The following ATG13 variants were observed in gnomAD, a reference collection of about 807,000 sequenced individuals.
The protein encoded by ATG13 is autophagy related 13, also known as autophagy-related protein 13.
Under a neutral mutation model 65.5 loss-of-function variants are expected in ATG13, and 23 were observed. That is an observed-to-expected ratio of 0.35 (90% CI 0.25 to 0.50). The LOEUF is 0.50. Ranked by LOEUF, ATG13 falls within the 20% of genes least tolerant of loss-of-function variation. ATG13 has a pLI of 0.98. For synonymous variants in ATG13, 252 were observed against 245.2 expected (o/e 1.03, Z -0.26); for missense variants, 566 against 677.0 (o/e 0.84, Z 1.82).
intron 2 of ATG13, chr11:46,632,384 T>G (rs1205881186): frequency 6.6e-6 from 1 of 152,206 alleles, no homozygotes; most frequent in African/African-American, 2.4e-5. Context: ...TTCAGCATAT[T>G]AGCAGGAAAG....
intron 18 of ATG13, 107 bp downstream of exon 18, chr11:46,669,639 A>ATAGAAG: frequency 7.6e-7 from 1 of 1,313,792 alleles, no homozygotes; most frequent in Non-Finnish European, 1.0e-6. Flanking sequence ...AATAGGAAAG[A>ATAGAAG]GACATAATTA....
chr11:46,620,866 G>T (rs1462807208), intron 1 of ATG13, among the ~76,000 whole-genome samples: 1 of 152,134 alleles, frequency 6.6e-6, no homozygotes, highest in Non-Finnish European at 1.5e-5. Context: ...ATTCATAGAA[G>T]TCATAACTTA....
At chr11:46,662,616 C>T (rs1269523618) in intron 11 of ATG13, among the ~76,000 whole-genome samples, 1 of 152,188 alleles carries the variant, frequency 6.6e-6, no homozygotes, top group African/African-American at 2.4e-5. Context: ...TCCCTGGGGA[C>T]CTCTGATCAA....
intron 1 of ATG13, among the ~76,000 whole-genome samples, chr11:46,622,338 C>A (rs2048012884): frequency 6.6e-6 from 1 of 151,542 alleles, no homozygotes; most frequent in South Asian, 2.1e-4. Flanking sequence ...AAGATGGTCT[C>A]GATCTCCTGA....
At chr11:46,642,141 T>TTCTTTTCCTTAAAA (rs1399260821) in intron 2 of ATG13, among the ~76,000 whole-genome samples, 13 of 152,104 alleles carry the variant, frequency 8.5e-5, no homozygotes, top group African/African-American at 2.9e-4. Context: ...CTTTTGTTTA[T>TTCTTTTCCTTAAAA]TCTTTTCCTT....
At chr11:46,639,589 A>C (rs538085099) in intron 2 of ATG13, among the ~76,000 whole-genome samples, 16 of 152,238 alleles carry the variant, frequency 1.1e-4, no homozygotes, top group Non-Finnish European at 1.8e-4. Flanking sequence ...AGCAGAGAAA[A>C]GAGGTTTAAT....
chr11:46,660,320 C>T (rs1418340678), intron 11 of ATG13, among the ~76,000 whole-genome samples: 1 of 150,096 alleles, frequency 6.7e-6, no homozygotes, highest in Non-Finnish European at 1.5e-5. Context: ...CCTGTTTCAA[C>T]TTCTTATTTG....
At chr11:46,628,369 T>C (rs113364955) in intron 1 of ATG13, among the ~76,000 whole-genome samples, 1,833 of 152,014 alleles carry the variant, frequency 0.012, 43 homozygotes, top group African/African-American at 0.042. Flanking sequence ...TGCATACCAG[T>C]CTGGGTGACA....
At chr11:46,649,304 C>A in intron 6 of ATG13, 121 bp downstream of exon 6, 1 of 1,116,478 alleles carries the variant, frequency 9.0e-7, no homozygotes, top group Non-Finnish European at 1.3e-6. Flanking sequence ...TTAACAAAGC[C>A]AATAGGTCTT....
chr11:46,669,312 C>A (rs2063158288), intron 17 of ATG13, 92 bp from the exon 18 acceptor site: 5 of 1,481,638 alleles, frequency 3.4e-6, no homozygotes, highest in East Asian at 4.6e-5. Flanking sequence ...CTGAAAGAAC[C>A]TTTTGATAAT....
At chr11:46,650,418 T>A in intron 7 of ATG13, 101 bp downstream of exon 7, 1 of 1,441,616 alleles carries the variant, frequency 6.9e-7, no homozygotes, top group Admixed American at 2.0e-5. Flanking sequence ...GGACAGTTGG[T>A]TGGTTTGTTG....
Position 46,663,911 on chromosome 11 carries a change from CAG to C in ATG13, c.790-83_790-82del, listed in dbSNP as rs1222477127. 4.9e-6 allele frequency: 5 copies of C among 1,018,770 alleles called. No homozygotes were observed. The African/African-American group carries it at 8.2e-5, about 17-fold the overall frequency. The allele number at this position is 1,018,770 out of a possible 1,614,324, so 63.1% of individuals were successfully genotyped here. A position where few individuals can be genotyped will look rare whatever the true frequency, so the allele number is the denominator to read the frequency against. ...TGGCCTCTCTTGCTACTGCCCCTTC[CAG>C]AGTTTCTTCACTTCTTTCTCAAGTC... On this transcript the variant is annotated intron_variant, in intron 11 of 18. Transcript: ENST00000683050.
At chr11:46,668,966 G>A in intron 17 of ATG13, 56 bp downstream of exon 17, 1 of 1,337,844 alleles carries the variant, frequency 7.5e-7, no homozygotes, top group Admixed American at 1.7e-5. Flanking sequence ...AGACCTAGAA[G>A]CATCTACTGC....
At chr11:46,665,669 A>T in intron 14 of ATG13, 150 bp downstream of exon 14, 1 of 1,164,768 alleles carries the variant, frequency 8.6e-7, no homozygotes, top group Non-Finnish European at 1.2e-6. Flanking sequence ...CCTAGCTGGG[A>T]GTGGTGGCTC....
In ATG13 at chr11:46,664,114, G is replaced by C; in HGVS notation, c.888+19G>C. Reference sequence around the variant, plus strand: ...CCATCAAGTGAGTCCATAATGGGAAGAAGGGGATATAATCAGATGGCATCC... The same window carrying C: ...CCATCAAGTGAGTCCATAATGGGAACAAGGGGATATAATCAGATGGCATCC... On this transcript the variant is annotated intron_variant, in intron 12 of 18. Transcript: ENST00000683050. 6.6e-7 allele frequency: 1 copy of C among 1,511,450 alleles called. No individual in the cohort carries two copies. Among genetic ancestry groups the C allele is most frequent in the South Asian group, 1.2e-5 (1 of 85,794 alleles). 93.6% of individuals were successfully genotyped at this position (1,511,450 alleles called of 1,614,324 possible).
intron 7 of ATG13, 21 bp from the exon 8 acceptor site, chr11:46,656,212 C>A (rs2060020272): frequency 6.2e-7 from 1 of 1,608,216 alleles, no homozygotes; most frequent in Non-Finnish European, 8.5e-7. Flanking sequence ...GGTAACATTT[C>A]TTATTTTTTC....
chr11:46,624,087 C>T (rs2048642320), intron 1 of ATG13, among the ~76,000 whole-genome samples: 1 of 151,892 alleles, frequency 6.6e-6, no homozygotes, highest in Non-Finnish European at 1.5e-5. Flanking sequence ...TCCCTGCAAC[C>T]TCCACCTCCT....
At chr11:46,656,018 GC>G (rs1339927776) in intron 7 of ATG13, among the ~76,000 whole-genome samples, 20 of 152,292 alleles carry the variant, frequency 1.3e-4, no homozygotes, top group Admixed American at 1.2e-3. Context: ...ACTGTGCCTG[GC>G]CTTATTTTCC....
Position 46,669,489 on chromosome 11 carries a change from G to A in ATG13, c.1532G>A (p.Ser511Asn), listed in dbSNP as rs774790564. The change falls in exon 18 of 19, where the codon AGC becomes AAC. Residue 511 changes from serine (S) to asparagine (N), a missense_variant. Physicochemically the swap from Ser to Asn is conservative, Grantham distance 46. Around this residue, in one of 2 missense-constraint regions of ATG13, gnomAD observed 387 missense variants for 409.8 expected, o/e 0.94. Transcript: ENST00000683050. ...TTTCAGAACCCACCTCAGCTGAGCAGCCTCTCCATAGATATTGGAGCACAG... is the reference window on the plus strand; with the variant it reads ...TTTCAGAACCCACCTCAGCTGAGCAACCTCTCCATAGATATTGGAGCACAG... ...REFQNPPQLS[S>N]LSIDIGAQSM... 5 of 1,614,134 alleles carry A rather than the reference G, an allele frequency of 3.1e-6. No individual in the cohort carries two copies. The highest frequency in any genetic ancestry group is 4.5e-5 in the East Asian group (2 of 44,876).
Sources: allele counts gnomAD v4.1 joint callset (sites outside exome capture counted in the v4.1 genomes callset), GRCh38; gene constraint gnomAD v4.1.1; regional missense constraint gnomAD v4.1.1; transcripts MANE v1.5; gene names NCBI Gene and HGNC (gene_info 2026-07-23, HGNC 2026-07-21).